DCDC2: variants seen among roughly 807,000 people sequenced by gnomAD.
DCDC2 encodes the protein doublecortin domain containing 2.
In DCDC2, 40 loss-of-function variants were observed where a neutral mutation model predicts 50.2. That is an observed-to-expected ratio of 0.80 (90% CI 0.62 to 1.04). The LOEUF (loss-of-function observed/expected upper bound fraction) is 1.04, where lower values mean the gene tolerates loss of function less well. Ranked by LOEUF, DCDC2 falls within the 50% of genes least tolerant of loss-of-function variation. The pLI is 0.00. For missense variants in DCDC2, 570 were observed against 581.9 expected (o/e 0.98, Z 0.21); for synonymous variants, 234 against 210.6 (o/e 1.11, Z -0.96).
intron 7 of DCDC2, among the ~76,000 whole-genome samples, chr6:24,235,553 G>T (rs1762426958): frequency 6.6e-6 from 1 of 152,076 alleles, no homozygotes; most frequent in African/African-American, 2.4e-5. Context: ...AAAACCATAT[G>T]ATCATCTCAA....
intron 2 of DCDC2, among the ~76,000 whole-genome samples, chr6:24,329,327 ATTTG>A (rs1395201131): frequency 2.0e-5 from 3 of 152,218 alleles, no homozygotes; most frequent in African/African-American, 4.8e-5. Context: ...AGACTTTATC[ATTTG>A]TTTGTTTTCC....
intron 2 of DCDC2, among the ~76,000 whole-genome samples, chr6:24,322,703 T>C (rs559987412): frequency 6.6e-6 from 1 of 152,324 alleles, no homozygotes; most frequent in East Asian, 1.9e-4. Context: ...CTCAACCAAT[T>C]GTCAACAAGA....
At chr6:24,361,712 T>C (rs534806114), upstream of DCDC2, among the ~76,000 whole-genome samples, 1 of 152,340 alleles carries the variant, frequency 6.6e-6, no homozygotes, top group Admixed American at 6.5e-5. Flanking sequence ...TGGCCTCTTA[T>C]TCAAAAATTA....
chr6:24,365,253 T>C, the DCDC2 span, among the ~76,000 whole-genome samples: 1 of 152,318 alleles, frequency 6.6e-6, no homozygotes, highest in East Asian at 1.9e-4. Flanking sequence ...CCTTAATCCT[T>C]CCTCTACTGC....
intron 2 of DCDC2, among the ~76,000 whole-genome samples, chr6:24,342,313 G>A (rs542958369): frequency 6.6e-6 from 1 of 152,134 alleles, no homozygotes; most frequent in South Asian, 2.1e-4. Context: ...TTACTTTTTT[G>A]CTTAAACAAT....
At chr6:24,358,812 ATAAATATATATAT>A (rs1760541188), upstream of DCDC2, among the ~76,000 whole-genome samples, 9 of 27,136 alleles carry the variant, frequency 3.3e-4, no homozygotes, top group East Asian at 1.9e-3. Context: ...TATATTATAT[ATAAATATATATAT>A]TATATTTATA....
intron 8 of DCDC2, among the ~76,000 whole-genome samples, chr6:24,179,180 C>T (rs1265853429): frequency 6.6e-6 from 1 of 152,142 alleles, no homozygotes; most frequent in Non-Finnish European, 1.5e-5. Context: ...AAGCTGACAG[C>T]TTCTCTCTAA....
intron 7 of DCDC2, among the ~76,000 whole-genome samples, chr6:24,260,780 A>G (rs980809798): frequency 2.6e-5 from 4 of 152,234 alleles, no homozygotes; most frequent in Non-Finnish European, 5.9e-5. Context: ...CCATGCTGGG[A>G]TAAAAAGTGC....
At chr6:24,366,307 G>A in the DCDC2 span, among the ~76,000 whole-genome samples, 3 of 152,146 alleles carry the variant, frequency 2.0e-5, no homozygotes, top group Middle Eastern at 3.4e-3. Context: ...ACCAAATACC[G>A]TATTTCTCCA....
intron 4 of DCDC2, among the ~76,000 whole-genome samples, chr6:24,294,410 A>T (rs1444996233): frequency 6.6e-6 from 1 of 152,166 alleles, no homozygotes; most frequent in Non-Finnish European, 1.5e-5. Context: ...AACTAAAAGA[A>T]CTAAAGCAGC....
intron 7 of DCDC2, among the ~76,000 whole-genome samples, chr6:24,212,357 AC>A (rs1761891821): frequency 1.3e-5 from 2 of 152,188 alleles, no homozygotes; most frequent in South Asian, 4.2e-4. Flanking sequence ...CCTTTCAGAT[AC>A]CCTCTGCTCC....
At chr6:24,233,770 CAT>C (rs1308341595) in intron 7 of DCDC2, among the ~76,000 whole-genome samples, 5 of 152,124 alleles carry the variant, frequency 3.3e-5, no homozygotes, top group African/African-American at 1.2e-4. Flanking sequence ...AAACATCAAA[CAT>C]ATATAATATT....
intron 2 of DCDC2, among the ~76,000 whole-genome samples, chr6:24,329,740 C>T (rs1581655762): frequency 6.6e-6 from 1 of 152,234 alleles, no homozygotes; most frequent in South Asian, 2.1e-4. Context: ...AAAATCCATC[C>T]CACATGAAAC....
At chr6:24,372,104 C>T in the DCDC2 span, among the ~76,000 whole-genome samples, 1 of 152,302 alleles carries the variant, frequency 6.6e-6, no homozygotes, top group South Asian at 2.1e-4. Flanking sequence ...TTTGACCCAG[C>T]CATCCCATTG....
At chr6:24,185,840 G>A (rs1247745107) in intron 8 of DCDC2, among the ~76,000 whole-genome samples, 2 of 152,086 alleles carry the variant, frequency 1.3e-5, no homozygotes, top group Non-Finnish European at 2.9e-5. Flanking sequence ...GGCAAAGGAG[G>A]AACAAGTTGC....
intron 7 of DCDC2, 36 bp from the exon 8 acceptor site, chr6:24,205,138 A>C: frequency 1.2e-6 from 2 of 1,614,058 alleles, no homozygotes; most frequent in Non-Finnish European, 1.7e-6. Flanking sequence ...ATCAAAATCC[A>C]ATTGTGACAT....
chr6:24,338,456 T>A (rs1007695108), intron 2 of DCDC2, among the ~76,000 whole-genome samples: 10 of 152,130 alleles, frequency 6.6e-5, no homozygotes, highest in African/African-American at 2.4e-4. Context: ...CTTTCTTCAT[T>A]ACCCCACATC....
At chr6:24,222,007 C>T (rs1196234775) in intron 7 of DCDC2, among the ~76,000 whole-genome samples, 4 of 152,160 alleles carry the variant, frequency 2.6e-5, no homozygotes, top group Admixed American at 2.0e-4. Context: ...TGAGAAGAAG[C>T]AAATTCGAAA....
intron 8 of DCDC2, among the ~76,000 whole-genome samples, chr6:24,184,151 A>G (rs889253127): frequency 9.9e-5 from 15 of 152,222 alleles, no homozygotes; most frequent in African/African-American, 2.9e-4. Flanking sequence ...TCTTGTCCCA[A>G]AGTCCTAGTA....
Sources: allele counts gnomAD v4.1 joint callset (sites outside exome capture counted in the v4.1 genomes callset), GRCh38; gene constraint gnomAD v4.1.1; transcripts MANE v1.5; gene names NCBI Gene and HGNC (gene_info 2026-07-23, HGNC 2026-07-21).